Variants in PPARGC1A observed in about 807,000 individuals in gnomAD.
The protein encoded by PPARGC1A is peroxisome proliferator-activated receptor gamma coactivator 1-alpha.
A neutral mutation model predicts 88.7 loss-of-function variants in PPARGC1A; 25 were observed. That is an observed-to-expected ratio of 0.28 (90% confidence interval 0.21 to 0.39). PPARGC1A has a LOEUF of 0.39. Among genes scored for constraint, PPARGC1A ranks in the 10% least tolerant of loss-of-function variants. PPARGC1A has a pLI of 1.00. For missense variants in PPARGC1A, 880 were observed against 968.7 expected, an observed-to-expected ratio of 0.91 and a Z score of 1.22; for synonymous variants, 363 against 355.6, an observed-to-expected ratio of 1.02 and a Z score of -0.24.
chr4:24,387,825 A>G, the PPARGC1A span, among the ~76,000 whole-genome samples: 9 of 71,074 alleles, frequency 1.3e-4, no homozygotes, highest in African/African-American at 3.0e-4. Context: ...AGAAAGAAAG[A>G]GAGAAAGAGA....
intron 7 of PPARGC1A, among the ~76,000 whole-genome samples, chr4:23,819,330 T>C (rs1032122280): frequency 1.3e-5 from 2 of 152,294 alleles, no homozygotes; most frequent in South Asian, 2.1e-4. Context: ...ACAGTCCATT[T>C]GGGAGTGGCC....
the PPARGC1A span, among the ~76,000 whole-genome samples, chr4:24,232,330 C>T: frequency 2.0e-5 from 3 of 152,206 alleles, no homozygotes; most frequent in Admixed American, 2.0e-4. Context: ...ATCCGTTTAA[C>T]TAGTGATGCA....
intron 2 of PPARGC1A, among the ~76,000 whole-genome samples, chr4:23,854,007 T>C (rs1039976817): frequency 1.4e-4 from 22 of 152,178 alleles, no homozygotes; most frequent in African/African-American, 4.1e-4. Flanking sequence ...AAAAATTAAA[T>C]GAAACGTATA....
At chr4:23,861,057 G>A (rs1360960527) in intron 2 of PPARGC1A, among the ~76,000 whole-genome samples, 2 of 152,112 alleles carry the variant, frequency 1.3e-5, no homozygotes, top group Admixed American at 6.5e-5. Context: ...AGAACACTAC[G>A]ACCTCTAAGT....
the PPARGC1A span, among the ~76,000 whole-genome samples, chr4:23,986,080 G>A: frequency 2.6e-5 from 4 of 151,964 alleles, no homozygotes; most frequent in Non-Finnish European, 2.9e-5. Context: ...CCAACTCTCT[G>A]ATTGTGCACT....
At chr4:24,092,123 T>C in the PPARGC1A span, among the ~76,000 whole-genome samples, 1 of 152,102 alleles carries the variant, frequency 6.6e-6, no homozygotes, top group East Asian at 1.9e-4. Flanking sequence ...ACATGAATAA[T>C]AGCAAGCTCC....
At chr4:23,971,949 T>TC in the PPARGC1A span, among the ~76,000 whole-genome samples, 1 of 152,126 alleles carries the variant, frequency 6.6e-6, no homozygotes, top group Non-Finnish European at 1.5e-5. Flanking sequence ...TATTTTTTTT[T>TC]CCAGCAAACA....
the PPARGC1A span, among the ~76,000 whole-genome samples, chr4:24,107,198 T>C: frequency 1.1e-4 from 17 of 152,384 alleles, no homozygotes; most frequent in African/African-American, 3.4e-4. Context: ...TTGCAAATGG[T>C]TGAATCTGTT....
At chr4:24,104,814 C>A in the PPARGC1A span, among the ~76,000 whole-genome samples, 1 of 152,148 alleles carries the variant, frequency 6.6e-6, no homozygotes, top group Non-Finnish European at 1.5e-5. Context: ...CCTTTTACAG[C>A]TAAAGAAAGG....
the PPARGC1A span, among the ~76,000 whole-genome samples, chr4:24,390,709 C>T: frequency 6.6e-6 from 1 of 151,890 alleles, no homozygotes; most frequent in Non-Finnish European, 1.5e-5. Flanking sequence ...GGAGCATTTC[C>T]CAGGTTACGA....
the PPARGC1A span, among the ~76,000 whole-genome samples, chr4:24,107,317 C>T: frequency 6.6e-6 from 1 of 152,048 alleles, no homozygotes; most frequent in African/African-American, 2.4e-5. Context: ...TATAATGAAC[C>T]GAGTTGTGAG....
chr4:24,021,947 GCT>G, the PPARGC1A span, among the ~76,000 whole-genome samples: 1 of 152,212 alleles, frequency 6.6e-6, no homozygotes, highest in Non-Finnish European at 1.5e-5. Context: ...TGATGCAAGA[GCT>G]CTGTCTTTAA....
At chr4:23,815,472 C>G (rs1392749262) in intron 7 of PPARGC1A, among the ~76,000 whole-genome samples, 1 of 152,108 alleles carries the variant, frequency 6.6e-6, no homozygotes, top group Non-Finnish European at 1.5e-5. Context: ...GGGATTGAAA[C>G]TCAGCCAAGC....
chr4:23,987,645 C>T, the PPARGC1A span, among the ~76,000 whole-genome samples: 1 of 151,958 alleles, frequency 6.6e-6, no homozygotes, highest in African/African-American at 2.4e-5. Context: ...ATCTCATCAT[C>T]CCTGTATTCT....
At chr4:23,943,464 G>A in the PPARGC1A span, among the ~76,000 whole-genome samples, 2 of 150,958 alleles carry the variant, frequency 1.3e-5, no homozygotes, top group African/African-American at 4.9e-5. Context: ...CAATTTGAGG[G>A]ATTTAAGGAT....
the PPARGC1A span, among the ~76,000 whole-genome samples, chr4:24,401,015 C>CTTTTTTTTT: frequency 1.4e-4 from 14 of 99,822 alleles, 1 homozygote; most frequent in Middle Eastern, 0.013. Flanking sequence ...CCTGAATTTT[C>CTTTTTTTTT]TTTTTTTTTT....
chr4:24,052,373 A>T, the PPARGC1A span, among the ~76,000 whole-genome samples: 1 of 152,182 alleles, frequency 6.6e-6, no homozygotes, highest in Non-Finnish European at 1.5e-5. Flanking sequence ...ATGGTGGTTC[A>T]CACCTGTAAT....
the PPARGC1A span, among the ~76,000 whole-genome samples, chr4:24,007,472 G>A: frequency 2.0e-5 from 3 of 152,108 alleles, no homozygotes; most frequent in South Asian, 2.1e-4. Flanking sequence ...AGAGGTGCAC[G>A]GTGCTATGAA....
the PPARGC1A span, among the ~76,000 whole-genome samples, chr4:24,153,427 A>G: frequency 2.6e-5 from 4 of 152,130 alleles, no homozygotes; most frequent in African/African-American, 9.7e-5. Flanking sequence ...ATGAAATTAA[A>G]TAGTGTAGAT....
Sources: allele counts gnomAD v4.1 joint callset (sites outside exome capture counted in the v4.1 genomes callset), GRCh38; gene constraint gnomAD v4.1.1; transcripts MANE v1.5; gene names NCBI Gene and HGNC (gene_info 2026-07-23, HGNC 2026-07-21).